CD109: variants seen among roughly 807,000 people sequenced by gnomAD.
The protein encoded by CD109 is CD109 molecule.
In CD109, 149 loss-of-function variants were observed where a neutral mutation model predicts 165.8. The ratio of observed to expected loss-of-function variants is 0.90; its 90% confidence interval spans 0.79 to 1.03. The LOEUF (loss-of-function observed/expected upper bound fraction) is 1.03. CD109 is among the 50% of genes least tolerant of loss of function. The pLI, the probability that CD109 is intolerant of heterozygous loss-of-function variation, is 0.00. For missense variants in CD109, 1,712 were observed against 1,677.8 expected (o/e 1.02, Z -0.36); for synonymous variants, 585 against 592.1 (o/e 0.99, Z 0.18).
chr6:73,780,347 C>CA (rs1425555730), intron 15 of CD109, 77 bp from the exon 16 acceptor site: 6 of 871,650 alleles, frequency 6.9e-6, no homozygotes, highest in Non-Finnish European at 1.2e-5. Context: ...AAGGCTAAGT[C>CA]TTATCTAAGT....
chr6:73,721,018 G>A (rs560949670), intron 2 of CD109, among the ~76,000 whole-genome samples: 47 of 152,312 alleles, frequency 3.1e-4, no homozygotes, highest in African/African-American at 7.9e-4. Flanking sequence ...CACTGGCATC[G>A]TTTTCTCTAG....
intron 3 of CD109, among the ~76,000 whole-genome samples, chr6:73,729,550 C>T (rs994822734): frequency 7.3e-5 from 11 of 150,474 alleles, no homozygotes; most frequent in African/African-American, 1.2e-4. Context: ...GACAAATTCT[C>T]GCTCTGTTGC....
chr6:73,777,576 C>T (rs1443298029), intron 15 of CD109, among the ~76,000 whole-genome samples: 6 of 151,974 alleles, frequency 3.9e-5, no homozygotes, highest in Non-Finnish European at 5.9e-5. Flanking sequence ...ATCCATCTTG[C>T]GTTAATTTTT....
Position 73,731,862 on chromosome 6 carries a change from A to G in CD109, c.507+1288A>G, listed in dbSNP as rs146250324. Among the ~76,000 whole-genome samples, 439 of 152,244 alleles carry G rather than the reference A, an allele frequency of 2.9e-3. 2 individuals carry two copies. Among genetic ancestry groups the G allele is most frequent in the African/African-American group, 0.01 (419 of 41,494 alleles). On this transcript the variant is annotated intron_variant, in intron 4 of 32. Coordinates refer to ENST00000287097, the MANE Select transcript of CD109 (RefSeq NM_133493.5). ...AACCATTTAGAACTGTGTCTGGCAC[A>G]TAGTACATGCTCACTAAACGTTAGC...
At chr6:73,762,522 A>G in intron 8 of CD109, 42 bp downstream of exon 8, 1 of 1,279,454 alleles carries the variant, frequency 7.8e-7, no homozygotes, top group South Asian at 1.3e-5. Context: ...TGGGTAAAAT[A>G]TGTGTATTTT....
chr6:73,736,587 T>C, intron 5 of CD109, 79 bp downstream of exon 5: 1 of 1,272,872 alleles, frequency 7.9e-7, no homozygotes. Context: ...CCAAAGTCAT[T>C]TATACAATGA....
At chr6:73,684,370 C>A in the CD109 span, among the ~76,000 whole-genome samples, 1 of 151,726 alleles carries the variant, frequency 6.6e-6, no homozygotes, top group Non-Finnish European at 1.5e-5. Flanking sequence ...CAGCTGAGTG[C>A]CACCACTCCT....
rs970853850 is a variant in CD109 at position 73,826,695 on chromosome 6, T to C, written c.*3062T>C. ...GTTTAGTATTTTGGATTATATATTA[T>C]AATCTGAGGAGTGTTTTGCTTATGT... On this transcript the variant is annotated 3_prime_UTR_variant, in exon 33 of 33. Coordinates refer to ENST00000287097, the MANE Select transcript of CD109 (RefSeq NM_133493.5). The C allele has an allele frequency of 3.9e-5, 6 of 152,188 alleles. No individual in the cohort carries two copies. The highest frequency in any genetic ancestry group is 8.8e-5 in the Non-Finnish European group (6 of 68,024). 9.4% of individuals were successfully genotyped at this position (152,188 alleles called of 1,614,324 possible). A position where few individuals can be genotyped will look rare whatever the true frequency, so the allele number is the denominator to read the frequency against.
intron 6 of CD109, among the ~76,000 whole-genome samples, chr6:73,757,868 A>G (rs1240394560): frequency 1.3e-5 from 2 of 152,194 alleles, no homozygotes; most frequent in East Asian, 3.8e-4. Context: ...TGTCTTTTAG[A>G]CAGCCCTGAT....
At chr6:73,779,690 A>G (rs1232425547) in intron 15 of CD109, among the ~76,000 whole-genome samples, 2 of 152,168 alleles carry the variant, frequency 1.3e-5, no homozygotes, top group Non-Finnish European at 2.9e-5. Context: ...GAACGGTGGC[A>G]TACAAGTATC....
chr6:73,757,781 T>G (rs1214350744), intron 6 of CD109, among the ~76,000 whole-genome samples: 4 of 152,350 alleles, frequency 2.6e-5, no homozygotes, highest in African/African-American at 7.2e-5. Flanking sequence ...AATATAAAAA[T>G]TAATTTCACC....
intron 2 of CD109, among the ~76,000 whole-genome samples, chr6:73,709,812 A>G (rs1389560923): frequency 6.6e-6 from 1 of 152,236 alleles, no homozygotes; most frequent in Non-Finnish European, 1.5e-5. Context: ...AACGTAATCC[A>G]GCATATAAAC....
intron 23 of CD109, among the ~76,000 whole-genome samples, chr6:73,793,936 G>GT (rs1192533318): frequency 5.3e-5 from 8 of 152,144 alleles, no homozygotes; most frequent in South Asian, 2.1e-4. Flanking sequence ...TTTAGTTTTT[G>GT]TTTTTTTATA....
intron 32 of CD109, among the ~76,000 whole-genome samples, chr6:73,821,951 G>A (rs1406873735): frequency 1.3e-5 from 2 of 152,148 alleles, no homozygotes; most frequent in African/African-American, 2.4e-5. Flanking sequence ...CAGTAGCATC[G>A]GCTGGAGTTA....
At chr6:73,756,786 T>A in intron 6 of CD109, 104 bp downstream of exon 6, 1 of 781,738 alleles carries the variant, frequency 1.3e-6, no homozygotes, top group Non-Finnish European at 2.0e-6. Context: ...AAAATCTCAA[T>A]GGAGTTAAAA....
Position 73,723,291 on chromosome 6 carries a change from T to G in CD109, c.276+12T>G. 1 of 1,605,382 alleles carries G rather than the reference T, an allele frequency of 6.2e-7. No homozygotes were observed. The highest frequency in any genetic ancestry group is 8.5e-7 in the Non-Finnish European group (1 of 1,174,804). Reference sequence around the variant, plus strand: ...TTACTCTTCCATCAGTAAGTATCCATTTAAAAAATTTGGTTTCAGAAATAT... The same window carrying G: ...TTACTCTTCCATCAGTAAGTATCCAGTTAAAAAATTTGGTTTCAGAAATAT... On this transcript the variant is annotated intron_variant, in intron 3 of 32. Coordinates refer to ENST00000287097, the MANE Select transcript of CD109 (RefSeq NM_133493.5).
At chr6:73,757,404 T>C (rs1773439517) in intron 6 of CD109, among the ~76,000 whole-genome samples, 1 of 152,170 alleles carries the variant, frequency 6.6e-6, no homozygotes, top group Non-Finnish European at 1.5e-5. Context: ...ACATGAATGT[T>C]GCTGTGGTTC....
chr6:73,771,748 A>G (rs1360147426), intron 15 of CD109, among the ~76,000 whole-genome samples, 167 bp downstream of exon 15: 1 of 152,232 alleles, frequency 6.6e-6, no homozygotes, highest in Non-Finnish European at 1.5e-5. Flanking sequence ...CGTAATGGTT[A>G]TGTTGGAAAG....
At chr6:73,757,443 T>C (rs543607173) in intron 6 of CD109, among the ~76,000 whole-genome samples, 38 of 152,324 alleles carry the variant, frequency 2.5e-4, no homozygotes, top group African/African-American at 8.9e-4. Flanking sequence ...GGCATGAAAA[T>C]TTGAATTTCA....
Sources: allele counts gnomAD v4.1 joint callset (sites outside exome capture counted in the v4.1 genomes callset), GRCh38; gene constraint gnomAD v4.1.1; transcripts MANE v1.5; gene names NCBI Gene and HGNC (gene_info 2026-07-23, HGNC 2026-07-21).